Variants in DYNLL1 observed in about 807,000 individuals in gnomAD.
The protein encoded by DYNLL1 is dynein light chain 1, cytoplasmic.
DYNLL1 carries 3 observed loss-of-function variants against 10.1 expected under a neutral mutation model. The ratio of observed to expected loss-of-function variants is 0.30; its 90% CI spans 0.14 to 0.77. The LOEUF is 0.77. DYNLL1 is among the 30% of genes least tolerant of loss of function. The pLI, the probability that DYNLL1 is intolerant of heterozygous loss-of-function variation, is 0.66. For missense variants in DYNLL1, 47 were observed against 111.7 expected, an observed-to-expected ratio of 0.42 and a Z score of 2.61; for synonymous variants, 46 against 41.2, an observed-to-expected ratio of 1.12 and a Z score of -0.45.
chr12:120,477,316 G>A lies in DYNLL1; in HGVS notation c.-7+7212G>A, dbSNP rs377081314. ...GTACATGGCATCTGGGACTTTGGTG[G>A]TGGCTTCACTCCTTGTCTGCTCAAC... On this transcript the variant is annotated intron_variant, in intron 1 of 2. Coordinates refer to the DYNLL1 transcript ENST00000392509. Among the ~76,000 whole-genome samples, 17 of 152,216 alleles carry A rather than the reference G, an allele frequency of 1.1e-4. No homozygotes were observed. The East Asian group carries it at 1.9e-3, about 17-fold the overall frequency.
chr12:120,470,680 TC>T (rs1878628778), intron 1 of DYNLL1, among the ~76,000 whole-genome samples: 1 of 152,176 alleles, frequency 6.6e-6, no homozygotes, highest in East Asian at 1.9e-4. Context: ...CAACCGATCC[TC>T]CAGCCTTGGC....
At chr12:120,475,353 C>T (rs545634881) in intron 1 of DYNLL1, among the ~76,000 whole-genome samples, 6 of 152,214 alleles carry the variant, frequency 3.9e-5, no homozygotes, top group African/African-American at 1.4e-4. Context: ...CTTCAAACAG[C>T]TTTTTATATC....
At chr12:120,497,922 G>C (rs2137072935) in intron 2 of DYNLL1, 151 bp from the exon 3 acceptor site, 1 of 726,046 alleles carries the variant, frequency 1.4e-6, no homozygotes, top group East Asian at 2.7e-5. Context: ...TACTATGTAG[G>C]CGGCTTGGAG....
intron 1 of DYNLL1, among the ~76,000 whole-genome samples, chr12:120,485,495 C>T (rs1219418897): frequency 6.6e-6 from 1 of 151,876 alleles, no homozygotes; most frequent in Non-Finnish European, 1.5e-5. Context: ...ACCTCGTGAT[C>T]CACCTGCCTC....
intron 1 of DYNLL1, among the ~76,000 whole-genome samples, chr12:120,479,338 C>G (rs1428398154): frequency 6.6e-6 from 1 of 150,504 alleles, no homozygotes; most frequent in Non-Finnish European, 1.5e-5. Flanking sequence ...CCTGTAATCC[C>G]AGCTACTCAG....
At chr12:120,493,041 C>T (rs1163617281), upstream of DYNLL1, among the ~76,000 whole-genome samples, 1 of 152,096 alleles carries the variant, frequency 6.6e-6, no homozygotes, top group African/African-American at 2.4e-5. Flanking sequence ...GCAATCCGGT[C>T]GTGGACCCCA....
At chr12:120,493,143 T>C (rs1335027234), upstream of DYNLL1, among the ~76,000 whole-genome samples, 1 of 152,180 alleles carries the variant, frequency 6.6e-6, no homozygotes, top group Non-Finnish European at 1.5e-5. Flanking sequence ...CAAAAACAAA[T>C]GTTTTATATT....
Position 120,498,464 on chromosome 12 carries a change from C to G in DYNLL1, c.*254C>G. 2.6e-6 allele frequency: 1 copy of G among 378,210 alleles called. No individual in the cohort carries two copies. The highest frequency in any genetic ancestry group is 4.7e-5 in the East Asian group (1 of 21,318). The allele number at this position is 378,210 out of a possible 1,614,324, so 23.4% of individuals were successfully genotyped here. Reference sequence around the variant, plus strand: ...ACGTTGTTTTCTCTCAAAATCCATTCCTTTAAAAAATAAATCTGATGCAGA... The same window carrying G: ...ACGTTGTTTTCTCTCAAAATCCATTGCTTTAAAAAATAAATCTGATGCAGA... On this transcript the variant is annotated 3_prime_UTR_variant, in exon 3 of 3. Coordinates refer to ENST00000242577, the MANE Select transcript of DYNLL1 (RefSeq NM_003746.3).
Position 120,496,483 on chromosome 12 carries a change from C to G in DYNLL1, c.62C>G (p.Ser21Trp). ...ADMSEEMQQD[S>W]VECATQALEK... Reference sequence around the variant, plus strand: ...ATGTCGGAAGAGATGCAACAGGACTCGGTGGAGTGCGCTACTCAGGCGCTG... The same window carrying G: ...ATGTCGGAAGAGATGCAACAGGACTGGGTGGAGTGCGCTACTCAGGCGCTG... The change falls in exon 2 of 3, where the codon TCG (serine) becomes TGG (tryptophan). Residue 21 changes from serine (S) to tryptophan (W), a missense_variant. Transcript: ENST00000242577. The G allele has an allele frequency of 6.2e-7, 1 of 1,614,192 alleles. No homozygotes were observed. The highest frequency in any genetic ancestry group is 1.1e-5 in the South Asian group (1 of 91,082).
At chr12:120,493,991 AAAT>A (rs1436474256), upstream of DYNLL1, 2 of 152,072 alleles carry the variant, frequency 1.3e-5, no homozygotes, top group Non-Finnish European at 2.9e-5. Flanking sequence ...AAAATTAAAT[AAAT>A]AATAACAGGG....
At chr12:120,496,312 G>A in intron 1 of DYNLL1, 96 bp downstream of exon 1, 2 of 1,493,032 alleles carry the variant, frequency 1.3e-6, no homozygotes, top group Non-Finnish European at 1.8e-6. Flanking sequence ...CTGAGAAGTG[G>A]GGTGGGGGGC....
At chr12:120,487,356 G>A (rs1397900958) in intron 1 of DYNLL1, among the ~76,000 whole-genome samples, 3 of 127,484 alleles carry the variant, frequency 2.4e-5, no homozygotes, top group African/African-American at 6.1e-5. Flanking sequence ...GCAGTGGCGC[G>A]ATCTCGGCTC....
At chr12:120,489,274 A>G (rs905507780) in intron 1 of DYNLL1, among the ~76,000 whole-genome samples, 4 of 152,196 alleles carry the variant, frequency 2.6e-5, no homozygotes, top group South Asian at 4.1e-4. Context: ...ATCCAACTGC[A>G]TATTTGACAT....
chr12:120,484,378 G>T (rs1193978558), intron 1 of DYNLL1, among the ~76,000 whole-genome samples: 1 of 152,012 alleles, frequency 6.6e-6, no homozygotes, highest in African/African-American at 2.4e-5. Flanking sequence ...TGGTGGAAAT[G>T]CATGGAAGTT....
Position 120,477,418 on chromosome 12 carries a change from G to A in DYNLL1, c.-7+7314G>A, listed in dbSNP as rs114475190. Among the ~76,000 whole-genome samples the A allele has an allele frequency of 3.9e-5, 6 of 152,042 alleles. No homozygotes were observed. In the East Asian group the frequency reaches 5.8e-4, roughly 15 times the overall value. On this transcript the variant is annotated intron_variant, in intron 1 of 2. Coordinates refer to the DYNLL1 transcript ENST00000392509. Reference sequence around the variant, plus strand: ...GGCTCTGTGCTGGGCACTGGTGCTCGGGATACAACAGTAAGACTCAACCCT... The same window carrying A: ...GGCTCTGTGCTGGGCACTGGTGCTCAGGATACAACAGTAAGACTCAACCCT...
intron 1 of DYNLL1, among the ~76,000 whole-genome samples, chr12:120,487,017 C>T (rs1879009790): frequency 6.6e-6 from 1 of 151,404 alleles, no homozygotes; most frequent in Non-Finnish European, 1.5e-5. Flanking sequence ...CTCTGTCGCC[C>T]AGGCTGGAGT....
chr12:120,471,854 G>A (rs987166922), intron 1 of DYNLL1, among the ~76,000 whole-genome samples: 3 of 151,978 alleles, frequency 2.0e-5, no homozygotes, highest in Admixed American at 6.6e-5. Flanking sequence ...CTCGTGATCC[G>A]CCTGCCTCAG....
At position 120,482,477 on chromosome 12, in the gene DYNLL1, C is replaced by T. The variant is rs1001273154; in HGVS notation, c.-7+12373C>T. ...AGCTGGGACTACAGGCGCCTGCCAC[C>T]GTGCCCGGCTAATTTTTTGTATTTT... On this transcript the variant is annotated intron_variant, in intron 1 of 2. Transcript: ENST00000392509. 5.9e-5 allele frequency among the ~76,000 whole-genome samples: 9 copies of T among 152,066 alleles called. No individual in the cohort carries two copies. The East Asian group carries it at 7.7e-4, about 13-fold the overall frequency.
At chr12:120,496,283 T>A in intron 1 of DYNLL1, 67 bp downstream of exon 1, 1 of 1,366,166 alleles carries the variant, frequency 7.3e-7, no homozygotes, top group Non-Finnish European at 1.0e-6. Context: ...GACTTAGCCC[T>A]CCGCGTAGCC....
Sources: gnomAD v4.1 joint callset for allele counts (sites outside exome capture counted in the v4.1 genomes callset) on GRCh38, gnomAD v4.1.1 for gene constraint, MANE v1.5 for transcripts, NCBI Gene and HGNC (gene_info 2026-07-23, HGNC 2026-07-21) for gene names.